Variants in IGFBP7 observed in about 807,000 individuals in gnomAD.
IGFBP7 encodes the protein insulin like growth factor binding protein 7.
IGFBP7 carries 31 observed loss-of-function variants against 29.4 expected under a neutral mutation model. The observed-to-expected ratio is 1.05, with a 90% CI of 0.79 to 1.42. The LOEUF is 1.42. Among genes scored for constraint, IGFBP7 ranks in the 40% most tolerant of loss-of-function variants. IGFBP7 has a pLI of 0.00. For synonymous variants in IGFBP7, 172 were observed against 174.9 expected (o/e 0.98, Z 0.13); for missense variants, 393 against 395.5 (o/e 0.99, Z 0.05).
intron 1 of IGFBP7, among the ~76,000 whole-genome samples, chr4:57,043,278 C>A (rs774613982): frequency 6.6e-6 from 1 of 152,160 alleles, no homozygotes; most frequent in Non-Finnish European, 1.5e-5. Context: ...GGCTCTTATT[C>A]CATGCTTAGC....
At chr4:57,053,921 C>T (rs1401188) in intron 1 of IGFBP7, among the ~76,000 whole-genome samples, 35,903 of 151,922 alleles carry the variant, frequency 0.24, 4,545 homozygotes, top group East Asian at 0.34. Flanking sequence ...GTGGGAAGTT[C>T]CCATAGGAAA....
chr4:57,073,865 A>G (rs1253488088), intron 1 of IGFBP7, among the ~76,000 whole-genome samples: 1 of 152,118 alleles, frequency 6.6e-6, no homozygotes, highest in African/African-American at 2.4e-5. Flanking sequence ...AGTCCTGTGG[A>G]GTTGATCGGG....
chr4:57,073,030 C>G (rs1725095901), intron 1 of IGFBP7: 1 of 1,196,970 alleles, frequency 8.4e-7, no homozygotes, highest in Non-Finnish European at 1.2e-6. Flanking sequence ...ACATTGATAG[C>G]TCGTTGAACA....
At chr4:57,042,469 A>T (rs1331902969) in intron 1 of IGFBP7, among the ~76,000 whole-genome samples, 2 of 152,058 alleles carry the variant, frequency 1.3e-5, no homozygotes, top group African/African-American at 4.8e-5. Flanking sequence ...AATTCCCATG[A>T]CTCAGTCTCC....
At chr4:57,099,066 A>T (rs1018340046) in intron 1 of IGFBP7, among the ~76,000 whole-genome samples, 1 of 152,208 alleles carries the variant, frequency 6.6e-6, no homozygotes, top group African/African-American at 2.4e-5. Flanking sequence ...CAGATGTCAG[A>T]TCTAAAGCTT....
chr4:57,078,362 C>G (rs1011063797), intron 1 of IGFBP7, among the ~76,000 whole-genome samples: 3 of 152,168 alleles, frequency 2.0e-5, no homozygotes, highest in Admixed American at 6.5e-5. Context: ...CTCCTAACCA[C>G]TATTCCATAT....
intron 1 of IGFBP7, among the ~76,000 whole-genome samples, chr4:57,045,928 G>T (rs2109749259): frequency 6.6e-6 from 1 of 152,154 alleles, no homozygotes; most frequent in South Asian, 2.1e-4. Flanking sequence ...GTTTCACCAT[G>T]TTGGCCAGGC....
intron 1 of IGFBP7, among the ~76,000 whole-genome samples, chr4:57,061,263 C>A (rs567078475): frequency 6.6e-6 from 1 of 152,096 alleles, no homozygotes; most frequent in South Asian, 2.1e-4. Context: ...GTGGATAGTA[C>A]CGAACTTTAT....
rs1023549949 is a variant in IGFBP7 at position 57,110,090 on chromosome 4, C to T, written c.262G>A (p.Val88Met). ...CCCTTCCGCCTCTTGCGGCTCTTCA[C>T]GCACTCCATGCCCGGCGCGCAGTAC... ...RGYCAPGMEC[V>M]KSRKRRKGKA... The change falls in exon 1 of 5, where the codon GTG becomes ATG. Residue 88 changes from valine to methionine, a missense_variant. Transcript: ENST00000295666. 4 of 1,549,966 alleles carry T rather than the reference C, an allele frequency of 2.6e-6. No individual in the cohort carries two copies. Among genetic ancestry groups the T allele is most frequent in the Admixed American group, 1.9e-5 (1 of 53,142 alleles).
intron 1 of IGFBP7, among the ~76,000 whole-genome samples, chr4:57,055,802 G>A (rs765748411): frequency 6.6e-6 from 1 of 151,992 alleles, no homozygotes; most frequent in South Asian, 2.1e-4. Flanking sequence ...AAAATCCCTC[G>A]AACTTGGGAG....
rs770867579 is a variant in IGFBP7, at chr4:57,109,906, G to C, written c.446C>G (p.Thr149Ser). Reference protein sequence around the residue: ...RAESRGEKAITQVSKGTCEQG... With the variant: ...RAESRGEKAISQVSKGTCEQG... ...CTCGCAGGTGCCCTTGCTGACCTGGGTGATGGCCTTCTCCCCGCGGCTCTC... is the reference window on the plus strand; with the variant it reads ...CTCGCAGGTGCCCTTGCTGACCTGGCTGATGGCCTTCTCCCCGCGGCTCTC... Residue 149 changes from threonine to serine, a missense_variant, in exon 1 of 5, where the codon ACC becomes AGC. Physicochemically the swap from Thr to Ser is moderately conservative, Grantham distance 58. Coordinates refer to ENST00000295666, the MANE Select transcript of IGFBP7 (RefSeq NM_001553.3). 1 of 1,555,976 alleles carries C rather than the reference G, an allele frequency of 6.4e-7. No homozygotes were observed. Among genetic ancestry groups the C allele is most frequent in the Admixed American group, 1.9e-5 (1 of 52,794 alleles).
At chr4:57,070,235 G>A (rs1725023268) in intron 1 of IGFBP7, among the ~76,000 whole-genome samples, 1 of 152,060 alleles carries the variant, frequency 6.6e-6, no homozygotes. Context: ...AAAATGACTG[G>A]AAAAATTCAT....
At chr4:57,066,852 C>A (rs2109771141) in intron 1 of IGFBP7, among the ~76,000 whole-genome samples, 1 of 152,002 alleles carries the variant, frequency 6.6e-6, no homozygotes. Flanking sequence ...CATGAGCCAC[C>A]ATGCTTGGCT....
chr4:57,094,177 A>G (rs1156392191), intron 1 of IGFBP7, among the ~76,000 whole-genome samples: 1 of 152,200 alleles, frequency 6.6e-6, no homozygotes, highest in Non-Finnish European at 1.5e-5. Context: ...TCTGGCACCC[A>G]GCACATCATT....
intron 1 of IGFBP7, among the ~76,000 whole-genome samples, chr4:57,077,793 C>A (rs1191346857): frequency 1.3e-5 from 2 of 152,106 alleles, no homozygotes; most frequent in Non-Finnish European, 2.9e-5. Context: ...CATTCCGATC[C>A]AGGTGATGCT....
chr4:57,107,586 G>A (rs1046057842), intron 1 of IGFBP7, among the ~76,000 whole-genome samples: 2 of 152,318 alleles, frequency 1.3e-5, no homozygotes, highest in Admixed American at 6.5e-5. Context: ...TGTGGGAAAG[G>A]CTTCCCATTC....
At chr4:57,084,966 A>T (rs1293330463) in intron 1 of IGFBP7, among the ~76,000 whole-genome samples, 5 of 151,372 alleles carry the variant, frequency 3.3e-5, no homozygotes, top group East Asian at 1.9e-4. Context: ...AATTTTTTTT[A>T]AAAATGGATA....
At chr4:57,089,849 A>G (rs1269723130) in intron 1 of IGFBP7, among the ~76,000 whole-genome samples, 1 of 152,298 alleles carries the variant, frequency 6.6e-6, no homozygotes, top group Admixed American at 6.5e-5. Flanking sequence ...TGTGGCTGGC[A>G]TTGTCCTTTT....
At chr4:57,047,465 A>T (rs189454554) in intron 1 of IGFBP7, among the ~76,000 whole-genome samples, 2 of 152,318 alleles carry the variant, frequency 1.3e-5, no homozygotes, top group African/African-American at 4.8e-5. Flanking sequence ...GGAGAAGGAG[A>T]AGAAAGAAAA....
Sources: gnomAD v4.1 joint callset for allele counts (sites outside exome capture counted in the v4.1 genomes callset) on GRCh38, gnomAD v4.1.1 for gene constraint, MANE v1.5 for transcripts, NCBI Gene and HGNC (gene_info 2026-07-23, HGNC 2026-07-21) for gene names.